The following ARHGAP19 variants were observed in gnomAD, a reference collection of about 807,000 sequenced individuals.
ARHGAP19 encodes the protein Rho GTPase activating protein 19, also known as rho GTPase-activating protein 19.
A neutral mutation model predicts 60.9 loss-of-function variants in ARHGAP19; 48 were observed. That is an observed-to-expected ratio of 0.79 (90% CI 0.62 to 1.00). The LOEUF (loss-of-function observed/expected upper bound fraction) is 1.00, where lower values mean the gene tolerates loss of function less well. ARHGAP19 is among the 50% of genes least tolerant of loss of function. The probability of loss-of-function intolerance (pLI) is 0.00; values close to 1 mark genes in which losing one functional copy is unlikely to be tolerated. For synonymous variants in ARHGAP19, 209 were observed against 215.5 expected, an observed-to-expected ratio of 0.97 and a Z score of 0.27; for missense variants, 562 against 597.2, an observed-to-expected ratio of 0.94 and a Z score of 0.61.
chr10:97,257,113 T>C (rs1421471186), intron 5 of ARHGAP19, among the ~76,000 whole-genome samples: 1 of 151,922 alleles, frequency 6.6e-6, no homozygotes, highest in Non-Finnish European at 1.5e-5. Context: ...AAAGCAAGAC[T>C]CTGTCTCAAA....
intron 8 of ARHGAP19, among the ~76,000 whole-genome samples, chr10:97,241,941 C>T (rs1842489337): frequency 6.7e-6 from 1 of 150,316 alleles, no homozygotes; most frequent in Non-Finnish European, 1.5e-5. Context: ...ACCCAGGAGG[C>T]GGAGCTTGCA....
At chr10:97,273,936 A>C (rs1842991889) in intron 1 of ARHGAP19, among the ~76,000 whole-genome samples, 1 of 151,806 alleles carries the variant, frequency 6.6e-6, no homozygotes, top group Non-Finnish European at 1.5e-5. Context: ...TAAATCTCAC[A>C]AATGAAAAGC....
At chr10:97,265,586 G>A in intron 2 of ARHGAP19, 1 of 414,924 alleles carries the variant, frequency 2.4e-6, no homozygotes, top group East Asian at 4.4e-5. Flanking sequence ...ATATTAATAG[G>A]GCATGAAAAT....
At chr10:97,256,993 C>A (rs1049508534) in intron 5 of ARHGAP19, among the ~76,000 whole-genome samples, 1 of 151,962 alleles carries the variant, frequency 6.6e-6, no homozygotes, top group Non-Finnish European at 1.5e-5. Context: ...TGGTGGCGGG[C>A]GCCTGTAGTC....
Position 97,265,844 on chromosome 10 carries a change from C to A in ARHGAP19, c.322+16G>T. The A allele has an allele frequency of 6.2e-7, 1 of 1,612,234 alleles. No homozygotes were observed. Among genetic ancestry groups the A allele is most frequent in the South Asian group, 1.1e-5 (1 of 90,992 alleles). The stretch of plus-strand genomic sequence containing the variant: ...GCAGCTGAGGCCTGCCCACCCTTCA[C>A]AAACACATCTCCTACCCTTTCGCTT... On this transcript the variant is annotated intron_variant, in intron 2 of 11. Transcript: ENST00000358531.
chr10:97,275,155 C>A lies in ARHGAP19; in HGVS notation c.57-9030G>T, dbSNP rs1843007305. On this transcript the variant is annotated intron_variant, in intron 1 of 11. Transcript: ENST00000358531. ...AAGTGCCGAGATTGCAGCCTCTGCC[C>A]GGCCGCCACCCCGTCTGGGAAGTGA... is the stretch of plus-strand genomic sequence containing the variant. 3 of 1,782 alleles carry A rather than the reference C, an allele frequency of 1.7e-3. 1 individual carries two copies. Among genetic ancestry groups the A allele is most frequent in the African/African-American group, 1.7e-3 (3 of 1,756 alleles). The allele number at this position is 1,782 out of a possible 1,614,324, so 0.1% of individuals were successfully genotyped here.
At chr10:97,266,271 A>G (rs947467048) in intron 1 of ARHGAP19, 146 bp from the exon 2 acceptor site, 1 of 860,124 alleles carries the variant, frequency 1.2e-6, no homozygotes, top group Admixed American at 2.6e-5. Context: ...ATGCCCTTGA[A>G]CACTGTTCCT....
At chr10:97,254,353 G>A (rs1449047888) in intron 6 of ARHGAP19, among the ~76,000 whole-genome samples, 7 of 152,108 alleles carry the variant, frequency 4.6e-5, no homozygotes, top group Non-Finnish European at 1.0e-4. Flanking sequence ...GTAGACCAAT[G>A]GAATAGACTA....
In ARHGAP19 at chr10:97,235,279, C is replaced by T; in HGVS notation, c.1222G>A (p.Glu408Lys). The T allele has an allele frequency of 6.2e-7, 1 of 1,613,834 alleles. No homozygotes were observed. Among genetic ancestry groups the T allele is most frequent in the Non-Finnish European group, 8.5e-7 (1 of 1,179,850 alleles). The change falls in exon 9 of 12, where the codon GAA becomes AAA. Residue 408 changes from glutamate (E) to lysine (K), a missense_variant. Physicochemically the swap from Glu to Lys is moderately conservative, Grantham distance 56. Transcript: ENST00000358531. ...KQSLTQTPGR[E>K]PSTSQVQKRA... ...TTTTGTACCTGGGAAGTAGAAGGTTCTCGCCCTGGTGTCTGGGTCAATGAT... is the reference window on the plus strand; with the variant it reads ...TTTTGTACCTGGGAAGTAGAAGGTTTTCGCCCTGGTGTCTGGGTCAATGAT...
rs1041343035 is a variant in ARHGAP19, at chr10:97,222,870, CAG to C, written c.*3250_*3251del. The stretch of plus-strand genomic sequence containing the variant: ...GTGTGAGGCCTTGTAGGAAAGGAGA[CAG>C]AGTCTAGAGACATCTATTCCTAAAA... On this transcript the variant is annotated 3_prime_UTR_variant, in exon 12 of 12. Transcript: ENST00000358531. 3 of 152,170 alleles carry C rather than the reference CAG, an allele frequency of 2.0e-5. No individual in the cohort carries two copies. The highest frequency in any genetic ancestry group is 2.9e-5 in the Non-Finnish European group (2 of 68,046). The allele number at this position is 152,170 out of a possible 1,614,324, so 9.4% of individuals were successfully genotyped here.
intron 1 of ARHGAP19, among the ~76,000 whole-genome samples, chr10:97,272,865 G>C (rs1318064290): frequency 6.8e-6 from 1 of 148,010 alleles, no homozygotes; most frequent in Non-Finnish European, 1.5e-5. Context: ...TTTTGAGATG[G>C]AGTCTCGCTC....
At chr10:97,246,358 AAC>A in intron 6 of ARHGAP19, 21 bp from the exon 7 acceptor site, 1 of 1,596,244 alleles carries the variant, frequency 6.3e-7, no homozygotes, top group Admixed American at 1.7e-5. Context: ...CATAAAAGAA[AAC>A]CAAAACCCAG....
At chr10:97,228,162 T>C (rs947398520) in intron 11 of ARHGAP19, among the ~76,000 whole-genome samples, 8 of 152,198 alleles carry the variant, frequency 5.3e-5, no homozygotes, top group Non-Finnish European at 1.0e-4. Flanking sequence ...AAGAAGAATA[T>C]ACTGAAATCT....
At chr10:97,238,464 C>T (rs1842418056) in intron 8 of ARHGAP19, among the ~76,000 whole-genome samples, 1 of 152,178 alleles carries the variant, frequency 6.6e-6, no homozygotes, top group South Asian at 2.1e-4. Context: ...GCAGTCCTCC[C>T]ACTTTGGCCT....
At chr10:97,262,684 T>C (rs117749424) in intron 4 of ARHGAP19, among the ~76,000 whole-genome samples, 6,505 of 151,440 alleles carry the variant, frequency 0.043, 207 homozygotes, top group Non-Finnish European at 0.061. Flanking sequence ...AACAAACAAA[T>C]AAAATTTCCA....
chr10:97,225,857 G>A lies in ARHGAP19; in HGVS notation c.*265C>T. 1 of 499,378 alleles carries A rather than the reference G, an allele frequency of 2.0e-6. No individual in the cohort carries two copies. Among genetic ancestry groups the A allele is most frequent in the Non-Finnish European group, 3.6e-6 (1 of 280,702 alleles). The allele number at this position is 499,378 out of a possible 1,614,324, so 30.9% of individuals were successfully genotyped here. ...GCACTGAAGCCCACCTTAGTGTGCT[G>A]TATAAGCTGGTTGGATAGTTAGTGG... On this transcript the variant is annotated 3_prime_UTR_variant, in exon 12 of 12. Transcript: ENST00000358531.
At chr10:97,226,197 A>T (rs2134796625) in intron 11 of ARHGAP19, 65 bp from the exon 12 acceptor site, 2 of 1,543,678 alleles carry the variant, frequency 1.3e-6, no homozygotes, top group Non-Finnish European at 1.8e-6. Flanking sequence ...CAAACATCCC[A>T]CTCAAAAGCT....
Position 97,223,903 on chromosome 10 carries a change from C to T in ARHGAP19, c.*2219G>A, listed in dbSNP as rs1850850695. The T allele has an allele frequency of 1.3e-5, 2 of 152,108 alleles. No homozygotes were observed. The highest frequency in any genetic ancestry group is 6.6e-5 in the Admixed American group (1 of 15,260). 9.4% of individuals were successfully genotyped at this position (152,108 alleles called of 1,614,324 possible). ...TATTAAGAAAAATGACCTATAAAAC[C>T]CCTAAAGCAAGGGAAAACATATTCA... On this transcript the variant is annotated 3_prime_UTR_variant, in exon 12 of 12. Coordinates refer to ENST00000358531, the MANE Select transcript of ARHGAP19 (RefSeq NM_032900.6).
chr10:97,283,203 C>T (rs1374097526), intron 1 of ARHGAP19, among the ~76,000 whole-genome samples: 2 of 152,100 alleles, frequency 1.3e-5, no homozygotes, highest in Non-Finnish European at 2.9e-5. Flanking sequence ...AGTAGCAAAA[C>T]ATCAGCACAA....
Sources: allele counts gnomAD v4.1 joint callset (sites outside exome capture counted in the v4.1 genomes callset), GRCh38; gene constraint gnomAD v4.1.1; transcripts MANE v1.5; gene names NCBI Gene and HGNC (gene_info 2026-07-23, HGNC 2026-07-21).